The following ROBO2 variants were observed in gnomAD, a reference collection of about 807,000 sequenced individuals.
ROBO2 encodes the protein roundabout homolog 2.
In ROBO2, 53 loss-of-function variants were observed where a neutral mutation model predicts 160.8. That is an observed-to-expected ratio of 0.33 (90% confidence interval 0.26 to 0.41). The LOEUF (loss-of-function observed/expected upper bound fraction) is 0.41. Among genes scored for constraint, ROBO2 ranks in the 10% least tolerant of loss-of-function variants. The pLI, the probability that ROBO2 is intolerant of heterozygous loss-of-function variation, is 1.00. For synonymous variants in ROBO2, 664 were observed against 611.7 expected (o/e 1.09, Z -1.26); for missense variants, 1,577 against 1,722.4 (o/e 0.92, Z 1.49).
At chr3:76,972,970 T>C (rs2059642222) in intron 2 of ROBO2, among the ~76,000 whole-genome samples, 1 of 152,222 alleles carries the variant, frequency 6.6e-6, no homozygotes, top group Non-Finnish European at 1.5e-5. Flanking sequence ...TGTTTTTCAC[T>C]TTTCCTTTTC....
At chr3:77,608,507 A>G (rs892645689) in intron 21 of ROBO2, among the ~76,000 whole-genome samples, 1 of 152,182 alleles carries the variant, frequency 6.6e-6, no homozygotes, top group Admixed American at 6.5e-5. Context: ...TTTTTAAGAT[A>G]CAAAATTTTC....
At chr3:76,611,279 TTGTC>T (rs1408743925) in intron 2 of ROBO2, among the ~76,000 whole-genome samples, 2 of 152,090 alleles carry the variant, frequency 1.3e-5, no homozygotes, top group African/African-American at 4.8e-5. Context: ...GCCTAGGAAT[TTGTC>T]TGTCTCCTGT....
chr3:76,299,031 G>T (rs1367484709), intron 2 of ROBO2, among the ~76,000 whole-genome samples: 1 of 152,138 alleles, frequency 6.6e-6, no homozygotes, highest in Non-Finnish European at 1.5e-5. Context: ...TATTTACTGA[G>T]CTCTTTCAGC....
At chr3:77,541,056 G>C (rs2092438910) in intron 6 of ROBO2, among the ~76,000 whole-genome samples, 1 of 152,116 alleles carries the variant, frequency 6.6e-6, no homozygotes, top group Non-Finnish European at 1.5e-5. Context: ...AATTCTACTT[G>C]AGTTTGTCAA....
chr3:76,097,073 C>T (rs2069483386), intron 2 of ROBO2, among the ~76,000 whole-genome samples: 1 of 152,046 alleles, frequency 6.6e-6, no homozygotes, highest in South Asian at 2.1e-4. Context: ...AAAAAAGTGA[C>T]CCCAGGTTGG....
intron 2 of ROBO2, among the ~76,000 whole-genome samples, chr3:77,003,533 A>G (rs905888385): frequency 1.7e-4 from 26 of 152,096 alleles, no homozygotes; most frequent in African/African-American, 6.3e-4. Context: ...ACTGCAGGGT[A>G]GACTTTCCAG....
At chr3:76,453,360 G>GT (rs1234487301) in intron 2 of ROBO2, among the ~76,000 whole-genome samples, 1 of 152,216 alleles carries the variant, frequency 6.6e-6, no homozygotes, top group Non-Finnish European at 1.5e-5. Context: ...TGTATAAGGT[G>GT]TAAGGAAGCG....
intron 2 of ROBO2, among the ~76,000 whole-genome samples, chr3:76,765,971 T>C (rs887112069): frequency 6.6e-6 from 1 of 151,742 alleles, no homozygotes; most frequent in Non-Finnish European, 1.5e-5. Flanking sequence ...TGCATGCTTC[T>C]AGGAAACCTA....
intron 2 of ROBO2, among the ~76,000 whole-genome samples, chr3:76,530,018 C>T (rs932748993): frequency 6.6e-6 from 1 of 152,138 alleles, no homozygotes; most frequent in African/African-American, 2.4e-5. Context: ...GTCCTTTTAG[C>T]ACTTGGGCAG....
At chr3:76,644,136 G>A (rs577961953) in intron 2 of ROBO2, among the ~76,000 whole-genome samples, 1 of 152,082 alleles carries the variant, frequency 6.6e-6, no homozygotes, top group East Asian at 1.9e-4. Flanking sequence ...GGTCAATAAG[G>A]GCAGGCACTA....
At chr3:77,136,441 C>A (rs1162418697) in intron 2 of ROBO2, among the ~76,000 whole-genome samples, 1 of 117,276 alleles carries the variant, frequency 8.5e-6, no homozygotes, top group Admixed American at 9.1e-5. Context: ...TAATTCATAT[C>A]TTTTCCTATA....
chr3:75,992,718 C>G (rs2065609497), intron 2 of ROBO2, among the ~76,000 whole-genome samples: 1 of 152,122 alleles, frequency 6.6e-6, no homozygotes, highest in South Asian at 2.1e-4. Flanking sequence ...CTGGAAAAGC[C>G]ACAGGCACTC....
chr3:76,340,579 G>C (rs1200193139), intron 2 of ROBO2, among the ~76,000 whole-genome samples: 1 of 152,048 alleles, frequency 6.6e-6, no homozygotes, highest in Non-Finnish European at 1.5e-5. Context: ...CATTTTATAA[G>C]CATTTAACTT....
chr3:76,024,548 A>G (rs753960084), intron 2 of ROBO2, among the ~76,000 whole-genome samples: 6 of 151,626 alleles, frequency 4.0e-5, no homozygotes, highest in Non-Finnish European at 5.9e-5. Flanking sequence ...TAACATGCAA[A>G]TTAAGATTAT....
At chr3:76,162,902 A>T (rs1334253415) in intron 2 of ROBO2, among the ~76,000 whole-genome samples, 1 of 151,908 alleles carries the variant, frequency 6.6e-6, no homozygotes, top group Admixed American at 6.6e-5. Flanking sequence ...GATTATTTTA[A>T]TTTTTTGTTT....
intron 2 of ROBO2, among the ~76,000 whole-genome samples, chr3:76,629,310 G>T (rs1363564222): frequency 6.6e-6 from 1 of 152,014 alleles, no homozygotes; most frequent in Non-Finnish European, 1.5e-5. Flanking sequence ...CATTAGTCAG[G>T]GTTCTCTAGA....
intron 2 of ROBO2, among the ~76,000 whole-genome samples, chr3:75,977,189 C>T (rs1250296857): frequency 6.6e-6 from 1 of 151,482 alleles, no homozygotes. Flanking sequence ...CTCACCTGGC[C>T]TTACTCTGTC....
intron 2 of ROBO2, among the ~76,000 whole-genome samples, chr3:76,698,281 ACG>A (rs1354751992): frequency 4.6e-5 from 7 of 152,194 alleles, no homozygotes; most frequent in Non-Finnish European, 7.3e-5. Context: ...GACCATTGAC[ACG>A]GTGTTTTATC....
chr3:77,180,824 T>A (rs191095035), intron 2 of ROBO2, among the ~76,000 whole-genome samples: 1 of 152,144 alleles, frequency 6.6e-6, no homozygotes, highest in East Asian at 1.9e-4. Flanking sequence ...TAATGTATAG[T>A]TTTATATGTG....
Sources: gnomAD v4.1 joint callset for allele counts (sites outside exome capture counted in the v4.1 genomes callset) on GRCh38, gnomAD v4.1.1 for gene constraint, MANE v1.5 for transcripts, NCBI Gene and HGNC (gene_info 2026-07-23, HGNC 2026-07-21) for gene names.